Variants in SLC38A11 observed in about 807,000 individuals in gnomAD.
SLC38A11 encodes solute carrier family 38 member 11.
SLC38A11 carries 51 observed loss-of-function variants against 49.4 expected under a neutral mutation model. That is an observed-to-expected ratio of 1.03 (90% CI 0.83 to 1.30). The LOEUF (loss-of-function observed/expected upper bound fraction) is 1.30. SLC38A11 is among the 50% of genes most tolerant of loss of function. The pLI is 0.00. For missense variants in SLC38A11, 574 were observed against 556.2 expected (o/e 1.03, Z -0.32); for synonymous variants, 203 against 192.9 (o/e 1.05, Z -0.43).
At chr2:164,919,020 A>G (rs1302058473) in intron 7 of SLC38A11, among the ~76,000 whole-genome samples, 3 of 152,146 alleles carry the variant, frequency 2.0e-5, no homozygotes, top group Non-Finnish European at 4.4e-5. Context: ...TAAAATACAG[A>G]AAAAAAGAAA....
At chr2:164,930,230 T>A (rs897584880) in intron 7 of SLC38A11, among the ~76,000 whole-genome samples, 2 of 151,926 alleles carry the variant, frequency 1.3e-5, no homozygotes, top group Non-Finnish European at 2.9e-5. Context: ...AAGAGACCAA[T>A]AATGAGCTCT....
At chr2:164,923,541 T>C (rs562947137) in intron 7 of SLC38A11, among the ~76,000 whole-genome samples, 2 of 151,968 alleles carry the variant, frequency 1.3e-5, no homozygotes, top group East Asian at 3.9e-4. Flanking sequence ...CTCACACTAG[T>C]AGAAATAGCG....
chr2:164,917,717 C>A (rs1685893948), intron 7 of SLC38A11, among the ~76,000 whole-genome samples: 1 of 152,136 alleles, frequency 6.6e-6, no homozygotes, highest in East Asian at 1.9e-4. Flanking sequence ...AAATATTCAC[C>A]CTTACTCCCC....
intron 7 of SLC38A11, chr2:164,922,172 C>A (rs1237503738): frequency 6.6e-6 from 1 of 152,194 alleles, no homozygotes; most frequent in Non-Finnish European, 1.5e-5. Context: ...AGAACTTAAA[C>A]CTCTGGATCA....
intron 8 of SLC38A11, chr2:164,915,616 G>A: frequency 2.3e-6 from 1 of 430,172 alleles, no homozygotes; most frequent in Non-Finnish European, 4.1e-6. Context: ...CATAATAAAG[G>A]GTTTGAAGAA....
intron 7 of SLC38A11, among the ~76,000 whole-genome samples, chr2:164,922,632 T>A (rs562908308): frequency 6.6e-6 from 1 of 152,266 alleles, no homozygotes; most frequent in South Asian, 2.1e-4. Flanking sequence ...ATTGGAAGAA[T>A]CAATATCATT....
At chr2:164,899,481 T>C (rs944419347) in intron 11 of SLC38A11, among the ~76,000 whole-genome samples, 1 of 152,118 alleles carries the variant, frequency 6.6e-6, no homozygotes, top group Admixed American at 6.6e-5. Context: ...AGGAAGAGAC[T>C]TTCCCCTTGA....
intron 3 of SLC38A11, among the ~76,000 whole-genome samples, chr2:164,947,113 A>C (rs1291693834): frequency 2.2e-5 from 1 of 45,924 alleles, no homozygotes; most frequent in Admixed American, 1.8e-4. Context: ...GGACTTTTTT[A>C]TCTCTTTTTT....
At chr2:164,915,832 T>C (rs1685740432) in intron 8 of SLC38A11, 71 bp downstream of exon 8, 6 of 1,148,592 alleles carry the variant, frequency 5.2e-6, no homozygotes, top group South Asian at 3.0e-5. Flanking sequence ...GACATAAATA[T>C]GAAACACAGC....
chr2:164,950,681 T>C (rs1688461688), intron 3 of SLC38A11, among the ~76,000 whole-genome samples: 1 of 152,178 alleles, frequency 6.6e-6, no homozygotes, highest in Non-Finnish European at 1.5e-5. Context: ...TTGAAAATCT[T>C]AAAGCAAATT....
intron 7 of SLC38A11, among the ~76,000 whole-genome samples, chr2:164,926,800 G>A (rs951231223): frequency 6.7e-6 from 1 of 148,300 alleles, no homozygotes; most frequent in Non-Finnish European, 1.5e-5. Context: ...ACTCATAGGT[G>A]GGAATTGAAC....
At chr2:164,902,896 T>A (rs1364129203) in intron 11 of SLC38A11, among the ~76,000 whole-genome samples, 1 of 152,144 alleles carries the variant, frequency 6.6e-6, no homozygotes, top group Non-Finnish European at 1.5e-5. Flanking sequence ...ACCAAAATCA[T>A]GTTCTAATTT....
At chr2:164,955,175 C>T in intron 1 of SLC38A11, 34 bp downstream of exon 1, 1 of 1,549,060 alleles carries the variant, frequency 6.5e-7, no homozygotes, top group Non-Finnish European at 8.7e-7. Flanking sequence ...TTCCGGACAA[C>T]TGGCTTCAGA....
chr2:164,902,680 T>C (rs1684737492), intron 11 of SLC38A11, among the ~76,000 whole-genome samples: 1 of 152,114 alleles, frequency 6.6e-6, no homozygotes, highest in African/African-American at 2.4e-5. Flanking sequence ...AAAATAAATA[T>C]ATTCTCACAC....
intron 2 of SLC38A11, chr2:164,953,071 C>G (rs750109058): frequency 6.3e-6 from 2 of 316,714 alleles, no homozygotes; most frequent in South Asian, 3.2e-5. Context: ...ACACAAATAA[C>G]GTTTACTTCA....
chr2:164,899,870 G>T (rs1279891973), intron 11 of SLC38A11, among the ~76,000 whole-genome samples: 1 of 151,920 alleles, frequency 6.6e-6, no homozygotes, highest in African/African-American at 2.4e-5. Context: ...CCCTCATATT[G>T]TACATTAAAT....
intron 3 of SLC38A11, among the ~76,000 whole-genome samples, chr2:164,949,652 C>CA (rs936678629): frequency 6.6e-4 from 100 of 152,248 alleles, no homozygotes; most frequent in African/African-American, 2.3e-3. Context: ...AACTGCTTCA[C>CA]AAAAAAGTTG....
At chr2:164,946,564 CAA>C (rs34775521) in intron 3 of SLC38A11, among the ~76,000 whole-genome samples, 1,749 of 106,526 alleles carry the variant, frequency 0.016, 27 homozygotes, top group African/African-American at 0.051. Flanking sequence ...GACTCCCTCT[CAA>C]AAAAAAAAAA....
intron 3 of SLC38A11, among the ~76,000 whole-genome samples, chr2:164,950,527 A>G (rs1688450739): frequency 6.6e-6 from 1 of 152,184 alleles, no homozygotes; most frequent in Admixed American, 6.5e-5. Flanking sequence ...ATTAATCACT[A>G]TAATATTTTG....
Sources: allele counts gnomAD v4.1 joint callset (sites outside exome capture counted in the v4.1 genomes callset), GRCh38; gene constraint gnomAD v4.1.1; transcripts MANE v1.5; gene names NCBI Gene and HGNC (gene_info 2026-07-23, HGNC 2026-07-21).